The following ATP1A3 variants were observed in gnomAD, a reference collection of about 807,000 sequenced individuals.
ATP1A3 encodes ATPase Na+/K+ transporting subunit alpha 3, also known as sodium/potassium-transporting ATPase subunit alpha-3.
A neutral mutation model predicts 108.8 loss-of-function variants in ATP1A3; 12 were observed. That is an observed-to-expected ratio of 0.11 (90% confidence interval 0.07 to 0.18). The LOEUF (loss-of-function observed/expected upper bound fraction) is 0.18. Ranked by LOEUF, ATP1A3 falls within the 10% of genes least tolerant of loss-of-function variation. The pLI, the probability that ATP1A3 is intolerant of heterozygous loss-of-function variation, is 1.00. For missense variants in ATP1A3, 498 were observed against 1,387.7 expected (o/e 0.36, Z 10.19); for synonymous variants, 539 against 564.5 (o/e 0.95, Z 0.64).
At chr19:41,993,815 A>G in intron 1 of ATP1A3, 1 of 659,530 alleles carries the variant, frequency 1.5e-6, no homozygotes, top group Non-Finnish European at 2.5e-6. Flanking sequence ...GCACAAGGTC[A>G]GGCGGAGATG....
intron 1 of ATP1A3, chr19:41,993,020 C>G (rs2145993282): frequency 6.8e-6 from 1 of 147,956 alleles, no homozygotes; most frequent in Admixed American, 6.8e-5. Context: ...CCACCCTGCC[C>G]CACCCCACAG....
In ATP1A3 at chr19:41,985,331, G is replaced by A; in HGVS notation, c.699C>T (p.Thr233=). The change falls in exon 7 of 23, where the codon ACC becomes ACT. Residue 233 remains threonine, a synonymous_variant. Transcript: ENST00000648268. The surrounding 1 kb of genome is among the most constrained non-coding windows in gnomAD (Gnocchi z 8.2). ...HDNPLETRNI[T]FFSTNCVEGT... is the part of the protein sequence containing the mutation. The stretch of plus-strand genomic sequence containing the variant: ...CTTCCACACAGTTGGTGGAAAAGAA[G>A]GTGATGTTCCGAGTCTCCAAGGGGT... 1 of 1,614,234 alleles carries A rather than the reference G, an allele frequency of 6.2e-7. No homozygotes were observed. The highest frequency in any genetic ancestry group is 2.2e-5 in the East Asian group (1 of 44,884).
rs1555865424 is a variant in ATP1A3, at chr19:41,986,232, G to A, written c.358-3C>T. 1.9e-6 allele frequency: 3 copies of A among 1,613,622 alleles called. No homozygotes were observed. The highest frequency in any genetic ancestry group is 2.5e-6 in the Non-Finnish European group (3 of 1,179,866). On this transcript the variant is annotated splice_polypyrimidine_tract_variant and splice_region_variant and intron_variant, in intron 4 of 22. Coordinates refer to ENST00000648268, the MANE Select transcript of ATP1A3 (RefSeq NM_152296.5). ...GCCAGCACGATGCCCAGGTACAGCT[G>A]TGGGGAGATGTGGGGATGTTGATCA...
chr19:41,968,724 A>G lies in ATP1A3; in HGVS notation c.2819+61T>C. 6.2e-7 allele frequency: 1 copy of G among 1,609,920 alleles called. No individual in the cohort carries two copies. The highest frequency in any genetic ancestry group is 1.1e-5 in the South Asian group (1 of 91,002). On this transcript the variant is annotated intron_variant, in intron 20 of 22. Coordinates refer to ENST00000648268, the MANE Select transcript of ATP1A3 (RefSeq NM_152296.5). The surrounding 1 kb of genome is among the most constrained non-coding windows in gnomAD (Gnocchi z 5.0). The stretch of plus-strand genomic sequence containing the variant: ...CAAGGACACAAGAGGAAGTACACAG[A>G]CAGACAGACACTCGGACAGGACAGA...
chr19:41,971,637 G>A (rs77338552), intron 16 of ATP1A3, among the ~76,000 whole-genome samples: 31 of 152,272 alleles, frequency 2.0e-4, no homozygotes, highest in Non-Finnish European at 4.1e-4. Context: ...ACACGAGCCA[G>A]ACACAAAAGC....
intron 1 of ATP1A3, among the ~76,000 whole-genome samples, chr19:41,992,503 G>C (rs1320063225): frequency 3.9e-5 from 6 of 152,038 alleles, no homozygotes; most frequent in Non-Finnish European, 5.9e-5. Flanking sequence ...CCTCGCAGGG[G>C]ACCTGGCCCA....
At chr19:41,979,231 G>T (rs1412639423) in intron 11 of ATP1A3, among the ~76,000 whole-genome samples, 1 of 151,704 alleles carries the variant, frequency 6.6e-6, no homozygotes, top group African/African-American at 2.4e-5. Context: ...TTGAACTCCT[G>T]GCCTCAAGTG....
At chr19:41,994,018 C>T in intron 1 of ATP1A3, 53 bp downstream of exon 1, 6 of 1,607,622 alleles carry the variant, frequency 3.7e-6, no homozygotes, top group Non-Finnish European at 5.1e-6. Flanking sequence ...CACCCAATGT[C>T]ACCGGCCCCA....
rs544913675 is a variant in ATP1A3, at chr19:41,967,848, C to T, written c.2820-85G>A. On this transcript the variant is annotated intron_variant, in intron 20 of 22. Transcript: ENST00000648268. This position sits in a 1 kb window ranked among gnomAD's most constrained non-coding sequence, Gnocchi z 4.2. ...CGCAGAGACAGGGGGAGGCACAGTG[C>T]AGACACCCAGAGACAGCAGCACAGA... 3.5e-6 allele frequency: 4 copies of T among 1,156,786 alleles called. No homozygotes were observed. The South Asian group carries it at 5.1e-5, about 15-fold the overall frequency. The allele number at this position is 1,156,786 out of a possible 1,614,324, so 71.7% of individuals were successfully genotyped here. A position where few individuals can be genotyped will look rare whatever the true frequency, so the allele number is the denominator to read the frequency against.
At chr19:41,970,997 C>T (rs544341805) in intron 16 of ATP1A3, among the ~76,000 whole-genome samples, 1 of 151,878 alleles carries the variant, frequency 6.6e-6, no homozygotes, top group East Asian at 1.9e-4. Flanking sequence ...CAGGGTCTCA[C>T]TCTGTTGCCC....
At position 41,976,422 on chromosome 19, in the gene ATP1A3, C is replaced by T; in HGVS notation, c.2088G>A (p.Gln696=). ...QQKLIIVEGC[Q]RQGAIVAVTG... ...CTGCGGGAGCGCAGCCCACCTGTCT[C>T]TGACAGCCCTCCACAATGATGAGCT... The change falls in exon 15 of 23, where the codon CAG becomes CAA. Residue 696 remains glutamine, a synonymous_variant. Transcript: ENST00000648268. 6.2e-7 allele frequency: 1 copy of T among 1,614,202 alleles called. No homozygotes were observed. Among genetic ancestry groups the T allele is most frequent in the Non-Finnish European group, 8.5e-7 (1 of 1,180,036 alleles).
chr19:41,976,370 C>T (rs782300010), intron 15 of ATP1A3, 46 bp downstream of exon 15: 2 of 1,612,146 alleles, frequency 1.2e-6, no homozygotes, highest in African/African-American at 2.7e-5. Context: ...CAGTGAGGAC[C>T]CAGGAGTCAA....
intron 1 of ATP1A3, chr19:41,993,800 C>CA (rs1212076996): frequency 9.4e-6 from 6 of 640,008 alleles, no homozygotes; most frequent in African/African-American, 1.9e-5. Context: ...TGTGCACATG[C>CA]AACCGCACAA....
chr19:41,988,713 C>A lies in ATP1A3; in HGVS notation c.7-151G>T. The A allele has an allele frequency of 6.7e-7, 1 of 1,481,590 alleles. No individual in the cohort carries two copies. The highest frequency in any genetic ancestry group is 9.0e-7 in the Non-Finnish European group (1 of 1,110,606). 91.8% of individuals were successfully genotyped at this position (1,481,590 alleles called of 1,614,324 possible). A position where few individuals can be genotyped will look rare whatever the true frequency, so the allele number is the denominator to read the frequency against. On this transcript the variant is annotated intron_variant, in intron 1 of 22. Transcript: ENST00000648268. The surrounding 1 kb of genome is among the most constrained non-coding windows in gnomAD (Gnocchi z 5.3). ...GGGGTCTCTGTCTGCCTCTCGGGGT[C>A]TCCCTGTGTCTCCCGGAGCCTCTGG...
Position 41,967,784 on chromosome 19 carries a change from G to C in ATP1A3, c.2820-21C>G. 6.2e-7 allele frequency: 1 copy of C among 1,611,634 alleles called. No individual in the cohort carries two copies. Among genetic ancestry groups the C allele is most frequent in the Non-Finnish European group, 8.5e-7 (1 of 1,178,602 alleles). On this transcript the variant is annotated intron_variant, in intron 20 of 22. Coordinates refer to ENST00000648268, the MANE Select transcript of ATP1A3 (RefSeq NM_152296.5). This position sits in a 1 kb window ranked among gnomAD's most constrained non-coding sequence, Gnocchi z 4.2. The stretch of plus-strand genomic sequence containing the variant: ...TGTTCCTGGAGGCACAGAAGGGCAG[G>C]GCTGGGCCCAGAGAGCACCCACCCT...
chr19:41,993,178 C>A, intron 1 of ATP1A3: 1 of 283,646 alleles, frequency 3.5e-6, no homozygotes, highest in Non-Finnish European at 7.3e-6. Flanking sequence ...CTCCTGATTC[C>A]CCCTCCCTTC....
chr19:41,989,730 G>A (rs1555866705), intron 1 of ATP1A3, among the ~76,000 whole-genome samples: 2 of 151,850 alleles, frequency 1.3e-5, no homozygotes, highest in African/African-American at 4.8e-5. Context: ...TTATTGCTTT[G>A]TTTCATCATC....
At chr19:41,986,262 C>T in intron 4 of ATP1A3, 33 bp from the exon 5 acceptor site, 1 of 1,600,840 alleles carries the variant, frequency 6.2e-7, no homozygotes. Context: ...TGATCAGGGG[C>T]CGCCCAAGCC....
At chr19:41,986,355 A>G (rs753520683) in intron 4 of ATP1A3, 126 bp from the exon 5 acceptor site, 5 of 883,562 alleles carry the variant, frequency 5.7e-6, no homozygotes, top group Non-Finnish European at 8.9e-6. Flanking sequence ...GTCTGACCCT[A>G]GGTTGGTTAT....
Sources: allele counts gnomAD v4.1 joint callset (sites outside exome capture counted in the v4.1 genomes callset), GRCh38; gene constraint gnomAD v4.1.1; non-coding constraint Gnocchi (gnomAD v3.1); transcripts MANE v1.5; gene names NCBI Gene and HGNC (gene_info 2026-07-23, HGNC 2026-07-21).